The following SEC22C variants were observed in gnomAD, a reference collection of about 807,000 sequenced individuals.
The protein encoded by SEC22C is vesicle-trafficking protein SEC22c.
In SEC22C, 29 loss-of-function variants were observed where a neutral mutation model predicts 34.7. The observed-to-expected ratio is 0.84, with a 90% CI of 0.62 to 1.14. The LOEUF (loss-of-function observed/expected upper bound fraction) is 1.14. Ranked by LOEUF, SEC22C falls within the 50% of genes most tolerant of loss-of-function variation. The pLI, the probability that SEC22C is intolerant of heterozygous loss-of-function variation, is 0.00. For synonymous variants in SEC22C, 117 were observed against 132.8 expected (o/e 0.88, Z 0.82); for missense variants, 337 against 369.0 (o/e 0.91, Z 0.71).
chr3:42,555,799 G>C, intron 6 of SEC22C, 131 bp downstream of exon 6: 1 of 734,392 alleles, frequency 1.4e-6, no homozygotes, highest in Non-Finnish European at 2.4e-6. Context: ...CTAAGGGCTT[G>C]GTATTGTCCA....
intron 1 of SEC22C, chr3:42,580,585 G>A (rs1034882071): frequency 6.6e-6 from 1 of 152,160 alleles, no homozygotes; most frequent in Non-Finnish European, 1.5e-5. Flanking sequence ...AACTAAACTT[G>A]ATAGGACCTT....
At chr3:42,591,005 G>A in intron 1 of SEC22C, 1 of 1,556,302 alleles carries the variant, frequency 6.4e-7, no homozygotes. Context: ...GCGGAGAGAA[G>A]TCGGGATCCC....
At chr3:42,556,148 C>CAGGG (rs1472185482) in intron 5 of SEC22C, among the ~76,000 whole-genome samples, 153 bp from the exon 6 acceptor site, 1 of 152,238 alleles carries the variant, frequency 6.6e-6, no homozygotes, top group Non-Finnish European at 1.5e-5. Flanking sequence ...TGCACCAGAT[C>CAGGG]AGGGTTAGCA....
At chr3:42,588,174 CA>C (rs1704687180) in intron 1 of SEC22C, among the ~76,000 whole-genome samples, 1 of 151,704 alleles carries the variant, frequency 6.6e-6, no homozygotes, top group Non-Finnish European at 1.5e-5. Context: ...GAGGCCGAGG[CA>C]GACAGATCAT....
intron 1 of SEC22C, among the ~76,000 whole-genome samples, chr3:42,592,650 T>C (rs896857634): frequency 2.6e-5 from 4 of 152,374 alleles, no homozygotes; most frequent in African/African-American, 9.6e-5. Context: ...AATCTTTACA[T>C]CTGACTCTGG....
chr3:42,584,566 C>T (rs966743632), upstream of SEC22C, among the ~76,000 whole-genome samples: 1 of 152,140 alleles, frequency 6.6e-6, no homozygotes, highest in Admixed American at 6.6e-5. Flanking sequence ...GGGACATAGA[C>T]TTTTGAAAGT....
chr3:42,557,594 G>A lies in SEC22C; in HGVS notation c.629C>T (p.Ala210Val), dbSNP rs1430192240. The stretch of plus-strand genomic sequence containing the variant: ...AAAGGTTACCTGTAAAGAATGTTCT[G>A]CAAGGTGAACTCCTCGAATGAGATT... ...ALNLIRGVHLAEHSLQVAHEE... is the reference protein window; with the variant it reads ...ALNLIRGVHLVEHSLQVAHEE... The change falls in exon 5 of 7, where the codon GCA becomes GTA. Residue 210 changes from alanine to valine, a missense_variant. By Grantham distance (64) the Ala-to-Val change is moderately conservative (BLOSUM62 0). Transcript: ENST00000264454. The A allele has an allele frequency of 1.4e-5, 22 of 1,561,596 alleles. No homozygotes were observed. Among genetic ancestry groups the A allele is most frequent in the Non-Finnish European group, 1.9e-5 (22 of 1,143,776 alleles).
chr3:42,566,035 G>A (rs1007455259), intron 2 of SEC22C, among the ~76,000 whole-genome samples: 9 of 152,016 alleles, frequency 5.9e-5, no homozygotes, highest in Non-Finnish European at 1.5e-5. Context: ...TCTTTTTTCT[G>A]TGAAAAATAG....
chr3:42,574,190 A>G (rs917795376), intron 1 of SEC22C, among the ~76,000 whole-genome samples: 3 of 152,154 alleles, frequency 2.0e-5, no homozygotes, highest in Non-Finnish European at 4.4e-5. Context: ...GCCAAAAGGA[A>G]GTAGCACATT....
At chr3:42,594,502 T>A in intron 1 of SEC22C, 1 of 1,613,102 alleles carries the variant, frequency 6.2e-7, no homozygotes, top group South Asian at 1.1e-5. Flanking sequence ...TCAAAAGCAA[T>A]GGAATAATCT....
At chr3:42,594,053 C>CT (rs35919968) in intron 1 of SEC22C, among the ~76,000 whole-genome samples, 26,011 of 152,018 alleles carry the variant, frequency 0.17, 2,677 homozygotes, top group African/African-American at 0.29. Context: ...CTCACCTTTA[C>CT]CTGAATGAGA....
intron 1 of SEC22C, among the ~76,000 whole-genome samples, chr3:42,591,763 CATACAACGA>C (rs1254331778): frequency 6.6e-6 from 1 of 152,210 alleles, no homozygotes; most frequent in African/African-American, 2.4e-5. Context: ...TGCCCAAGAC[CATACAACGA>C]GTACACTGCG....
chr3:42,557,691 T>C lies in SEC22C; in HGVS notation c.532A>G (p.Asn178Asp), dbSNP rs1272964095. The C allele has an allele frequency of 1.9e-6, 3 of 1,551,370 alleles. No homozygotes were observed. The highest frequency in any genetic ancestry group is 2.7e-6 in the Non-Finnish European group (3 of 1,127,948). ...GCTGTCACTGGTTCCATTCGGAAAT[T>C]AGGAGCTTCACAATGGAAAAAAAAC... Reference protein sequence around the residue: ...HTPMHLEPAPNFRMEPVTALG... With the variant: ...HTPMHLEPAPDFRMEPVTALG... Residue 178 changes from asparagine (N) to aspartate (D), a missense_variant, in exon 5 of 7, where the codon AAT becomes GAT. Transcript: ENST00000264454.
At chr3:42,590,973 A>G in intron 1 of SEC22C, 1 of 363,546 alleles carries the variant, frequency 2.8e-6, no homozygotes, top group Non-Finnish European at 5.6e-6. Context: ...GCGGGTGAGC[A>G]TCCACGCGGG....
At chr3:42,578,779 T>C (rs970671565) in intron 1 of SEC22C, among the ~76,000 whole-genome samples, 1 of 152,232 alleles carries the variant, frequency 6.6e-6, no homozygotes, top group South Asian at 2.1e-4. Flanking sequence ...GCTAATACTT[T>C]TTTGTTTAAA....
chr3:42,558,635 T>A (rs1191647765), intron 4 of SEC22C, among the ~76,000 whole-genome samples: 2 of 149,692 alleles, frequency 1.3e-5, no homozygotes, highest in East Asian at 2.0e-4. Context: ...AAAAAAAAAA[T>A]ACAAAAATTA....
At chr3:42,570,436 GATGA>G (rs1304167506) in intron 1 of SEC22C, among the ~76,000 whole-genome samples, 2 of 152,132 alleles carry the variant, frequency 1.3e-5, no homozygotes, top group Non-Finnish European at 2.9e-5. Flanking sequence ...GTCTGGAATG[GATGA>G]ATGAATGAAT....
At chr3:42,572,939 AC>A (rs1346360603) in intron 1 of SEC22C, among the ~76,000 whole-genome samples, 1 of 152,352 alleles carries the variant, frequency 6.6e-6, no homozygotes, top group Non-Finnish European at 1.5e-5. Flanking sequence ...ATCATGGCTC[AC>A]TGCAGCCTCG....
intron 2 of SEC22C, among the ~76,000 whole-genome samples, chr3:42,565,146 C>T (rs909638260): frequency 2.6e-5 from 4 of 152,124 alleles, no homozygotes; most frequent in African/African-American, 7.2e-5. Flanking sequence ...CCTCACTGTC[C>T]GCTCACACAC....
Sources: gnomAD v4.1 joint callset for allele counts (sites outside exome capture counted in the v4.1 genomes callset) on GRCh38, gnomAD v4.1.1 for gene constraint, MANE v1.5 for transcripts, NCBI Gene and HGNC (gene_info 2026-07-23, HGNC 2026-07-21) for gene names.